SGCZ: variants seen among roughly 807,000 people sequenced by gnomAD.
SGCZ encodes the protein sarcoglycan zeta.
In SGCZ, 40 loss-of-function variants were observed where a neutral mutation model predicts 41.3. The ratio of observed to expected loss-of-function variants is 0.97; its 90% CI spans 0.75 to 1.26. SGCZ has a LOEUF of 1.26. Among genes scored for constraint, SGCZ ranks in the 50% most tolerant of loss-of-function variants. SGCZ has a pLI of 0.00. For synonymous variants in SGCZ, 206 were observed against 137.5 expected (o/e 1.50, Z -3.49); for missense variants, 552 against 369.8 (o/e 1.49, Z -4.04).
chr8:14,367,059 C>G (rs1803734326), intron 2 of SGCZ, among the ~76,000 whole-genome samples: 1 of 152,104 alleles, frequency 6.6e-6, no homozygotes, highest in Non-Finnish European at 1.5e-5. Flanking sequence ...AACTTTAATG[C>G]TCTGCTTTCT....
At chr8:14,790,180 T>C (rs1215310577) in intron 1 of SGCZ, among the ~76,000 whole-genome samples, 1 of 152,158 alleles carries the variant, frequency 6.6e-6, no homozygotes, top group Non-Finnish European at 1.5e-5. Flanking sequence ...GGCCAGTGCT[T>C]TCAAAGTGGT....
chr8:14,645,280 T>A (rs1807170659), intron 1 of SGCZ, among the ~76,000 whole-genome samples: 1 of 151,160 alleles, frequency 6.6e-6, no homozygotes. Context: ...TTCTTTCTTA[T>A]TGCGAATTAT....
intron 2 of SGCZ, among the ~76,000 whole-genome samples, chr8:14,472,388 A>G (rs1001829276): frequency 6.6e-6 from 1 of 152,100 alleles, no homozygotes; most frequent in Admixed American, 6.5e-5. Context: ...AGTACCATTC[A>G]CAGACCTACC....
chr8:14,762,117 C>A (rs1039427774), intron 1 of SGCZ, among the ~76,000 whole-genome samples: 1 of 152,072 alleles, frequency 6.6e-6, no homozygotes, highest in Non-Finnish European at 1.5e-5. Flanking sequence ...AAAATGGAAG[C>A]GTTCTATCTA....
chr8:14,673,100 A>G (rs537013292), intron 1 of SGCZ, among the ~76,000 whole-genome samples: 29 of 152,240 alleles, frequency 1.9e-4, no homozygotes, highest in African/African-American at 6.7e-4. Flanking sequence ...TACTTCTTTT[A>G]TGTTTCCATT....
chr8:14,375,448 C>T (rs1268416882), intron 2 of SGCZ, among the ~76,000 whole-genome samples: 1 of 152,046 alleles, frequency 6.6e-6, no homozygotes, highest in South Asian at 2.1e-4. Context: ...GACTAACTAC[C>T]TATTTATCTA....
chr8:14,978,404 G>C, intron 1 of SGCZ, among the ~76,000 whole-genome samples: 1 of 114,912 alleles, frequency 8.7e-6, no homozygotes, highest in South Asian at 2.6e-4. Context: ...CTGGGAGGTG[G>C]AGGTTGTAGT....
chr8:14,187,149 G>A (rs1213782869), intron 4 of SGCZ, among the ~76,000 whole-genome samples: 1 of 152,078 alleles, frequency 6.6e-6, no homozygotes, highest in Non-Finnish European at 1.5e-5. Flanking sequence ...AGAGGCAAAG[G>A]ATAAAAACAG....
intron 1 of SGCZ, among the ~76,000 whole-genome samples, chr8:14,747,507 G>T (rs1799369279): frequency 6.6e-6 from 1 of 152,000 alleles, no homozygotes; most frequent in Middle Eastern, 3.4e-3. Flanking sequence ...ACTATTTTTT[G>T]AATGCACGTA....
chr8:14,810,250 A>G (rs1256893344), intron 1 of SGCZ, among the ~76,000 whole-genome samples: 1 of 152,058 alleles, frequency 6.6e-6, no homozygotes, highest in Non-Finnish European at 1.5e-5. Flanking sequence ...GTTACTGAAA[A>G]TCAAAAATTC....
chr8:15,178,352 G>C (rs1382867678), intron 1 of SGCZ, among the ~76,000 whole-genome samples: 1 of 152,018 alleles, frequency 6.6e-6, no homozygotes, highest in Non-Finnish European at 1.5e-5. Flanking sequence ...TTGTAGCGCA[G>C]AGATCTGAGT....
chr8:15,053,025 A>C (rs2130996456), intron 1 of SGCZ, among the ~76,000 whole-genome samples: 1 of 152,280 alleles, frequency 6.6e-6, no homozygotes, highest in South Asian at 2.1e-4. Flanking sequence ...CAACTTCAAA[A>C]TCCAGCATTC....
rs139329900 is a variant in SGCZ, at chr8:15,043,235, G to A, written c.39+194350C>T. 9.1e-4 allele frequency among the ~76,000 whole-genome samples: 138 copies of A among 152,252 alleles called. 1 individual carries two copies. The highest frequency in any genetic ancestry group is 3.2e-3 in the African/African-American group (134 of 41,554). On this transcript the variant is annotated intron_variant, in intron 1 of 7. Coordinates refer to ENST00000382080, the MANE Select transcript of SGCZ (RefSeq NM_139167.4). ...TATTTGTTTTTAATCTCTTAAAGCA[G>A]TACAATGTGGAAACTTAACAAATGT...
chr8:14,999,809 A>G (rs1447033260), intron 1 of SGCZ, among the ~76,000 whole-genome samples: 1 of 152,198 alleles, frequency 6.6e-6, no homozygotes, highest in African/African-American at 2.4e-5. Context: ...GAAGTAACCT[A>G]AAGACAATCG....
At chr8:15,010,946 C>T (rs981035868) in intron 1 of SGCZ, among the ~76,000 whole-genome samples, 5 of 152,328 alleles carry the variant, frequency 3.3e-5, no homozygotes, top group African/African-American at 1.2e-4. Context: ...AATGAAACTT[C>T]TGCCCTGGCT....
intron 5 of SGCZ, among the ~76,000 whole-genome samples, chr8:14,141,812 C>A (rs1489814764): frequency 4.6e-5 from 7 of 152,162 alleles, no homozygotes; most frequent in Non-Finnish European, 1.0e-4. Context: ...CATCCCATTA[C>A]TGGGTATATA....
chr8:14,675,105 A>T (rs1022348388), intron 1 of SGCZ, among the ~76,000 whole-genome samples: 2 of 149,810 alleles, frequency 1.3e-5, no homozygotes, highest in African/African-American at 4.9e-5. Context: ...CGCCTGGCTA[A>T]TTTTTTTTGT....
intron 1 of SGCZ, among the ~76,000 whole-genome samples, chr8:14,762,162 C>T (rs1040253455): frequency 2.6e-5 from 4 of 152,064 alleles, no homozygotes; most frequent in South Asian, 2.1e-4. Flanking sequence ...TTTATACATA[C>T]TGAATATTCA....
At chr8:14,625,337 G>A (rs1806419406) in intron 1 of SGCZ, among the ~76,000 whole-genome samples, 1 of 152,026 alleles carries the variant, frequency 6.6e-6, no homozygotes, top group South Asian at 2.1e-4. Flanking sequence ...TCTGTTGTGT[G>A]GCCACTTGGT....
Sources: allele counts gnomAD v4.1 joint callset (sites outside exome capture counted in the v4.1 genomes callset), GRCh38; gene constraint gnomAD v4.1.1; transcripts MANE v1.5; gene names NCBI Gene and HGNC (gene_info 2026-07-23, HGNC 2026-07-21).